WDFY2: variants seen among roughly 807,000 people sequenced by gnomAD.
WDFY2 encodes WD repeat and FYVE domain-containing protein 2.
Under a neutral mutation model 56.4 loss-of-function variants are expected in WDFY2, and 36 were observed. That is an observed-to-expected ratio of 0.64 (90% CI 0.49 to 0.84). WDFY2 has a LOEUF of 0.84. WDFY2 is among the 40% of genes least tolerant of loss of function. The pLI is 0.00. For synonymous variants in WDFY2, 176 were observed against 183.7 expected, an observed-to-expected ratio of 0.96 and a Z score of 0.34; for missense variants, 444 against 512.2, an observed-to-expected ratio of 0.87 and a Z score of 1.29.
chr13:51,689,356 G>GT (rs1205900895), intron 3 of WDFY2, among the ~76,000 whole-genome samples: 2 of 152,076 alleles, frequency 1.3e-5, no homozygotes, highest in African/African-American at 2.4e-5. Context: ...AAATTGCTTT[G>GT]TTTTTTGTGC....
intron 2 of WDFY2, among the ~76,000 whole-genome samples, chr13:51,672,806 C>T (rs956979337): frequency 6.6e-6 from 1 of 152,148 alleles, no homozygotes; most frequent in African/African-American, 2.4e-5. Flanking sequence ...TTTTCTGCAG[C>T]TACTGTAAAA....
intron 6 of WDFY2, among the ~76,000 whole-genome samples, chr13:51,735,754 C>A (rs1328600757): frequency 6.6e-6 from 1 of 152,200 alleles, no homozygotes; most frequent in African/African-American, 2.4e-5. Flanking sequence ...GGCCAACTTT[C>A]AAATGACCTC....
chr13:51,728,364 A>G (rs887657499), intron 6 of WDFY2, among the ~76,000 whole-genome samples: 1 of 152,236 alleles, frequency 6.6e-6, no homozygotes, highest in African/African-American at 2.4e-5. Flanking sequence ...GCAAGGTAAT[A>G]TAAAATATTC....
chr13:51,658,145 G>C (rs1955544200), intron 1 of WDFY2, among the ~76,000 whole-genome samples: 1 of 152,110 alleles, frequency 6.6e-6, no homozygotes, highest in South Asian at 2.1e-4. Context: ...TACTTGTTGA[G>C]TGCTGTAGTT....
intron 3 of WDFY2, among the ~76,000 whole-genome samples, chr13:51,689,095 T>C (rs1956106594): frequency 6.6e-6 from 1 of 152,190 alleles, no homozygotes; most frequent in Non-Finnish European, 1.5e-5. Flanking sequence ...ATTCTGAAAT[T>C]TGCCAGAGGC....
chr13:51,654,636 G>A (rs2138439529), intron 1 of WDFY2, among the ~76,000 whole-genome samples: 1 of 152,086 alleles, frequency 6.6e-6, no homozygotes, highest in African/African-American at 2.4e-5. Context: ...TTTTCTTCAG[G>A]GAAAAATGTT....
chr13:51,759,179 T>C (rs1006507129), intron 11 of WDFY2, among the ~76,000 whole-genome samples: 5 of 152,196 alleles, frequency 3.3e-5, no homozygotes, highest in Non-Finnish European at 5.9e-5. Context: ...AGACCCTGTC[T>C]CAAAATAATT....
intron 3 of WDFY2, among the ~76,000 whole-genome samples, chr13:51,700,765 A>T (rs1243113555): frequency 2.0e-5 from 3 of 152,128 alleles, no homozygotes; most frequent in Admixed American, 6.5e-5. Flanking sequence ...CGGGGGTTCA[A>T]GACCAGCCTG....
At chr13:51,719,430 G>A (rs1952439710) in intron 5 of WDFY2, 82 bp downstream of exon 5, 1 of 1,463,282 alleles carries the variant, frequency 6.8e-7, no homozygotes, top group Admixed American at 2.4e-5. Context: ...GGTATGTGCA[G>A]CTTGAAAGTT....
chr13:51,745,003 G>T (rs751679020), intron 7 of WDFY2, among the ~76,000 whole-genome samples: 7 of 152,184 alleles, frequency 4.6e-5, no homozygotes, highest in Non-Finnish European at 2.9e-5. Flanking sequence ...AATATTAACA[G>T]CACTGGAGTC....
chr13:51,719,070 C>G, intron 4 of WDFY2, 128 bp from the exon 5 acceptor site: 1 of 1,326,788 alleles, frequency 7.5e-7, no homozygotes, highest in South Asian at 1.3e-5. Flanking sequence ...CTACCTTGTC[C>G]TTAAAATGGT....
chr13:51,752,547 A>G (rs1198005060), intron 8 of WDFY2, among the ~76,000 whole-genome samples: 1 of 152,268 alleles, frequency 6.6e-6, no homozygotes, highest in East Asian at 1.9e-4. Context: ...TCCTAACCAA[A>G]CCAGGGGAGG....
chr13:51,611,918 C>T (rs1458330031), intron 1 of WDFY2, among the ~76,000 whole-genome samples: 2 of 152,070 alleles, frequency 1.3e-5, no homozygotes, highest in Non-Finnish European at 2.9e-5. Flanking sequence ...TACAATCATG[C>T]GCACATAAGG....
At position 51,711,241 on chromosome 13, in the gene WDFY2, G is replaced by A. The variant is rs532112512; in HGVS notation, c.334+7591G>A. On this transcript the variant is annotated intron_variant, in intron 4 of 11. Coordinates refer to ENST00000298125, the MANE Select transcript of WDFY2 (RefSeq NM_052950.4). ...TGGGAAAACTGGCTAGCCATATGTA[G>A]AAAACTGAAACTGGATCCGTTCCTT... Among the ~76,000 whole-genome samples, 5 of 152,318 alleles carry A rather than the reference G, an allele frequency of 3.3e-5. No individual in the cohort carries two copies. The South Asian group carries it at 1.0e-3, about 32-fold the overall frequency.
intron 1 of WDFY2, among the ~76,000 whole-genome samples, chr13:51,623,063 G>T (rs1954768626): frequency 6.6e-6 from 1 of 151,896 alleles, no homozygotes; most frequent in Non-Finnish European, 1.5e-5. Context: ...TTGCCATGTT[G>T]GCCAGGCTGG....
intron 6 of WDFY2, among the ~76,000 whole-genome samples, chr13:51,728,636 A>C (rs997237395): frequency 6.6e-6 from 1 of 152,194 alleles, no homozygotes; most frequent in African/African-American, 2.4e-5. Flanking sequence ...CTGGTTCATA[A>C]GGGGCTTCCT....
In WDFY2 at chr13:51,695,584, C is replaced by G. The variant is rs557248718; in HGVS notation, c.280-8012C>G. Among the ~76,000 whole-genome samples the G allele has an allele frequency of 2.4e-3, 362 of 152,288 alleles. 1 individual carries two copies. Among genetic ancestry groups the G allele is most frequent in the African/African-American group, 7.3e-3 (303 of 41,550 alleles). ...GTACCCAGCTGTGTGAGGTGTCAGT[C>G]TGCCCCTACTGGGGGGTGCCTCCCA... On this transcript the variant is annotated intron_variant, in intron 3 of 11. Transcript: ENST00000298125.
chr13:51,720,970 CTA>C (rs1230763377), intron 5 of WDFY2, among the ~76,000 whole-genome samples: 4 of 147,586 alleles, frequency 2.7e-5, no homozygotes, highest in Admixed American at 2.1e-4. Flanking sequence ...CTCTCTCTCT[CTA>C]TTTCACACAC....
chr13:51,596,934 A>C (rs1954162480), intron 1 of WDFY2, among the ~76,000 whole-genome samples: 1 of 152,188 alleles, frequency 6.6e-6, no homozygotes, highest in African/African-American at 2.4e-5. Context: ...GAATTATTTT[A>C]AGTTTGAACA....
Sources: allele counts gnomAD v4.1 joint callset (sites outside exome capture counted in the v4.1 genomes callset), GRCh38; gene constraint gnomAD v4.1.1; transcripts MANE v1.5; gene names NCBI Gene and HGNC (gene_info 2026-07-23, HGNC 2026-07-21).